GPM6A: variants seen among roughly 807,000 people sequenced by gnomAD.
GPM6A encodes the protein neuronal membrane glycoprotein M6-a.
In GPM6A, 7 loss-of-function variants were observed where a neutral mutation model predicts 32.1. The ratio of observed to expected loss-of-function variants is 0.22; its 90% CI spans 0.12 to 0.41. The LOEUF is 0.41. Among genes scored for constraint, GPM6A ranks in the 10% least tolerant of loss-of-function variants. The pLI, the probability that GPM6A is intolerant of heterozygous loss-of-function variation, is 1.00. For synonymous variants in GPM6A, 130 were observed against 123.4 expected (o/e 1.05, Z -0.35); for missense variants, 235 against 347.2 (o/e 0.68, Z 2.57).
intron 1 of GPM6A, among the ~76,000 whole-genome samples, chr4:175,804,486 CT>C (rs1734602464): frequency 6.6e-6 from 1 of 152,014 alleles, no homozygotes; most frequent in African/African-American, 2.4e-5. Context: ...CCCAATGGCC[CT>C]TGACTAAATA....
At chr4:175,744,145 T>C (rs1195306996) in intron 1 of GPM6A, among the ~76,000 whole-genome samples, 1 of 152,068 alleles carries the variant, frequency 6.6e-6, no homozygotes, top group East Asian at 1.9e-4. Context: ...TGTGAAAATG[T>C]TTGAAATATA....
intron 1 of GPM6A, among the ~76,000 whole-genome samples, chr4:175,822,657 T>TTG (rs1735312416): frequency 2.3e-5 from 1 of 42,778 alleles, no homozygotes. Flanking sequence ...CATGCTTTTT[T>TTG]TTTTGTTTTT....
chr4:175,757,323 A>G (rs1579465180), intron 1 of GPM6A, among the ~76,000 whole-genome samples: 1 of 151,888 alleles, frequency 6.6e-6, no homozygotes, highest in Admixed American at 6.6e-5. Context: ...GGATGCTCCA[A>G]CCCTGCCAGA....
chr4:175,755,032 G>GA (rs888661067), intron 1 of GPM6A, among the ~76,000 whole-genome samples: 4 of 150,250 alleles, frequency 2.7e-5, no homozygotes, highest in Non-Finnish European at 5.9e-5. Flanking sequence ...AAGAATTAAA[G>GA]AAAAAAATCT....
At chr4:175,866,321 T>C (rs916550157) in intron 1 of GPM6A, among the ~76,000 whole-genome samples, 2 of 152,282 alleles carry the variant, frequency 1.3e-5, no homozygotes, top group African/African-American at 2.4e-5. Context: ...GGGTTTGCTC[T>C]TGGTGTGGCA....
chr4:175,672,389 C>CAA (rs780187265), intron 3 of GPM6A, among the ~76,000 whole-genome samples: 10 of 152,204 alleles, frequency 6.6e-5, no homozygotes, highest in Non-Finnish European at 1.5e-4. Context: ...AGTGGCATTA[C>CAA]AATGTTACTG....
chr4:175,653,891 C>A (rs1741935305), intron 3 of GPM6A, among the ~76,000 whole-genome samples: 1 of 152,056 alleles, frequency 6.6e-6, no homozygotes, highest in East Asian at 1.9e-4. Context: ...TTTAAGTGGT[C>A]TTTATCCTTT....
intron 1 of GPM6A, among the ~76,000 whole-genome samples, chr4:175,758,424 A>C (rs2111203541): frequency 6.6e-6 from 1 of 152,298 alleles, no homozygotes; most frequent in African/African-American, 2.4e-5. Flanking sequence ...GAAAGTCGTA[A>C]GTTTAGCCAG....
At chr4:175,665,259 C>G (rs1400059582) in intron 3 of GPM6A, among the ~76,000 whole-genome samples, 2 of 152,004 alleles carry the variant, frequency 1.3e-5, no homozygotes, top group Non-Finnish European at 2.9e-5. Flanking sequence ...GCATGTTCAT[C>G]AATATGTATA....
chr4:175,759,330 A>G (rs533668035), intron 1 of GPM6A, among the ~76,000 whole-genome samples: 4 of 152,318 alleles, frequency 2.6e-5, no homozygotes, highest in African/African-American at 9.6e-5. Context: ...GATTTCAATT[A>G]TACGTAGATA....
chr4:175,668,376 C>G (rs908423352), intron 3 of GPM6A, among the ~76,000 whole-genome samples: 2 of 151,722 alleles, frequency 1.3e-5, no homozygotes, highest in African/African-American at 4.8e-5. Context: ...GAGTCTACAC[C>G]TCCTACACCC....
chr4:175,949,990 T>C (rs1332700610), intron 1 of GPM6A, among the ~76,000 whole-genome samples: 1 of 152,158 alleles, frequency 6.6e-6, no homozygotes, highest in Non-Finnish European at 1.5e-5. Flanking sequence ...AATCAGACAA[T>C]GTATAAACAC....
intron 1 of GPM6A, among the ~76,000 whole-genome samples, chr4:175,803,426 C>G (rs1734557957): frequency 6.6e-6 from 1 of 152,120 alleles, no homozygotes. Flanking sequence ...TTCTGACTCT[C>G]TGACTCAAGG....
At chr4:175,746,602 A>G (rs1732114335) in intron 1 of GPM6A, among the ~76,000 whole-genome samples, 1 of 152,154 alleles carries the variant, frequency 6.6e-6, no homozygotes. Flanking sequence ...CATACCCAAA[A>G]TGAGTAGATC....
At chr4:175,640,418 G>A (rs1269537144) in intron 5 of GPM6A, among the ~76,000 whole-genome samples, 3 of 152,118 alleles carry the variant, frequency 2.0e-5, no homozygotes, top group Admixed American at 6.6e-5. Flanking sequence ...TTATAAAGAT[G>A]AGACAATGAT....
intron 1 of GPM6A, among the ~76,000 whole-genome samples, chr4:175,898,334 C>G (rs1056200899): frequency 1.3e-5 from 2 of 152,170 alleles, no homozygotes; most frequent in African/African-American, 2.4e-5. Flanking sequence ...ACCCAACTAC[C>G]TCTGACCTAC....
chr4:175,776,566 C>T (rs1033575190), intron 1 of GPM6A, among the ~76,000 whole-genome samples: 8 of 152,142 alleles, frequency 5.3e-5, no homozygotes, highest in Admixed American at 5.2e-4. Flanking sequence ...ATCTTGGAAG[C>T]ATGACAAGGG....
At chr4:175,843,793 T>G (rs2111389983) in intron 1 of GPM6A, among the ~76,000 whole-genome samples, 1 of 152,294 alleles carries the variant, frequency 6.6e-6, no homozygotes, top group South Asian at 2.1e-4. Context: ...TAAAATAAGG[T>G]GACTGGATAC....
At chr4:175,667,799 G>C (rs1742831052) in intron 3 of GPM6A, among the ~76,000 whole-genome samples, 1 of 152,050 alleles carries the variant, frequency 6.6e-6, no homozygotes, top group African/African-American at 2.4e-5. Context: ...TCTGATAGGA[G>C]AATATACAAA....
Sources: gnomAD v4.1 joint callset for allele counts (sites outside exome capture counted in the v4.1 genomes callset) on GRCh38, gnomAD v4.1.1 for gene constraint, MANE v1.5 for transcripts, NCBI Gene and HGNC (gene_info 2026-07-23, HGNC 2026-07-21) for gene names.